The following VDAC1 variants were observed in gnomAD, a reference collection of about 807,000 sequenced individuals.
VDAC1 encodes non-selective voltage-gated ion channel VDAC1.
VDAC1 carries 10 observed loss-of-function variants against 34.7 expected under a neutral mutation model. That is an observed-to-expected ratio of 0.29 (90% CI 0.18 to 0.49). The LOEUF (loss-of-function observed/expected upper bound fraction) is 0.49. Ranked by LOEUF, VDAC1 falls within the 20% of genes least tolerant of loss-of-function variation. The probability of loss-of-function intolerance (pLI) is 0.99; values close to 1 mark genes in which losing one functional copy is unlikely to be tolerated. For synonymous variants in VDAC1, 130 were observed against 136.0 expected (o/e 0.96, Z 0.30); for missense variants, 230 against 347.9 (o/e 0.66, Z 2.69).
chr5:134,023,480 T>A, the VDAC1 span, among the ~76,000 whole-genome samples: 46 of 135,220 alleles, frequency 3.4e-4, no homozygotes, highest in South Asian at 4.7e-4. Flanking sequence ...GAACTTAAAG[T>A]AAAAAAAAAA....
the VDAC1 span, among the ~76,000 whole-genome samples, chr5:134,099,269 C>A: frequency 6.6e-6 from 1 of 152,200 alleles, no homozygotes; most frequent in Non-Finnish European, 1.5e-5. Context: ...GGGAGGGTGG[C>A]TCCGGCTTAC....
the VDAC1 span, among the ~76,000 whole-genome samples, chr5:134,051,095 A>T: frequency 6.6e-6 from 1 of 152,218 alleles, no homozygotes; most frequent in Non-Finnish European, 1.5e-5. Context: ...CCCTCCAGCT[A>T]GAGGAGGACA....
chr5:134,025,483 T>G, the VDAC1 span, among the ~76,000 whole-genome samples: 1 of 151,908 alleles, frequency 6.6e-6, no homozygotes, highest in African/African-American at 2.4e-5. Context: ...CAAATTGAGG[T>G]GAGGGCAGCA....
intron 5 of VDAC1, 46 bp from the exon 6 acceptor site, chr5:133,981,002 G>T: frequency 2.0e-6 from 3 of 1,478,758 alleles, no homozygotes; most frequent in Non-Finnish European, 2.8e-6. Flanking sequence ...AACTCACCTT[G>T]AAATGCAAGT....
intron 5 of VDAC1, among the ~76,000 whole-genome samples, chr5:133,986,098 T>C (rs749872859): frequency 6.6e-6 from 1 of 152,244 alleles, no homozygotes; most frequent in Non-Finnish European, 1.5e-5. Flanking sequence ...GATTTATTTT[T>C]AAGCTATTTC....
At chr5:134,072,597 C>T in the VDAC1 span, among the ~76,000 whole-genome samples, 1 of 152,232 alleles carries the variant, frequency 6.6e-6, no homozygotes, top group Admixed American at 6.5e-5. Flanking sequence ...TGGGCAGAAA[C>T]ACCGGACAAA....
chr5:133,975,355 G>A (rs545544079), intron 7 of VDAC1, among the ~76,000 whole-genome samples: 5 of 152,228 alleles, frequency 3.3e-5, no homozygotes, highest in Non-Finnish European at 7.4e-5. Context: ...GCTCTGCACA[G>A]TGCCTGGTAC....
At chr5:134,007,701 T>A (rs1229209297), upstream of VDAC1, among the ~76,000 whole-genome samples, 2 of 152,164 alleles carry the variant, frequency 1.3e-5, no homozygotes, top group African/African-American at 4.8e-5. Context: ...TTCAAGGCCC[T>A]TGGGGAGACC....
At chr5:134,085,932 C>T in the VDAC1 span, among the ~76,000 whole-genome samples, 4 of 151,972 alleles carry the variant, frequency 2.6e-5, no homozygotes, top group Non-Finnish European at 5.9e-5. Context: ...GTGGCTCATG[C>T]CTGTAATCCC....
chr5:133,978,265 C>T (rs1277883641), intron 6 of VDAC1, among the ~76,000 whole-genome samples: 1 of 151,890 alleles, frequency 6.6e-6, no homozygotes, highest in Admixed American at 6.6e-5. Flanking sequence ...CTCCTGGGCT[C>T]AAGTGATCAC....
At chr5:134,113,757 G>A in the VDAC1 span, among the ~76,000 whole-genome samples, 1 of 152,252 alleles carries the variant, frequency 6.6e-6, no homozygotes, top group African/African-American at 2.4e-5. Flanking sequence ...ACTTTCCCGC[G>A]CTCCGCAAAT....
chr5:133,994,596 A>C (rs1055592843), intron 1 of VDAC1, among the ~76,000 whole-genome samples: 2 of 152,226 alleles, frequency 1.3e-5, no homozygotes, highest in South Asian at 4.1e-4. Context: ...CTGTAGGTGC[A>C]TCCCCCCGGG....
At chr5:134,042,596 C>T in the VDAC1 span, among the ~76,000 whole-genome samples, 1 of 152,118 alleles carries the variant, frequency 6.6e-6, no homozygotes, top group East Asian at 1.9e-4. Context: ...CAGGTTCAAG[C>T]GATTCTCCTG....
At chr5:134,031,950 CAAA>C in the VDAC1 span, among the ~76,000 whole-genome samples, 3 of 68,772 alleles carry the variant, frequency 4.4e-5, no homozygotes, top group Admixed American at 1.7e-4. Flanking sequence ...GACCCCATCT[CAAA>C]AAAAAAAAAA....
the VDAC1 span, among the ~76,000 whole-genome samples, chr5:134,022,431 C>T: frequency 1.3e-5 from 2 of 152,164 alleles, no homozygotes; most frequent in African/African-American, 4.8e-5. Flanking sequence ...TGTGTATCAT[C>T]CCATAGTGGA....
At chr5:134,107,735 C>T in the VDAC1 span, among the ~76,000 whole-genome samples, 2 of 152,240 alleles carry the variant, frequency 1.3e-5, no homozygotes, top group Non-Finnish European at 1.5e-5. Flanking sequence ...TAAGTGACAA[C>T]AGTCACCACT....
the VDAC1 span, among the ~76,000 whole-genome samples, chr5:134,097,285 C>G: frequency 1.3e-5 from 2 of 152,162 alleles, no homozygotes; most frequent in Non-Finnish European, 2.9e-5. Context: ...AAGAAAAACT[C>G]CTCACTAAAT....
At chr5:134,014,238 C>G in the VDAC1 span, among the ~76,000 whole-genome samples, 1 of 146,970 alleles carries the variant, frequency 6.8e-6, no homozygotes, top group Non-Finnish European at 1.5e-5. Flanking sequence ...TGCAGTGAGT[C>G]GAGATCGTGC....
the VDAC1 span, among the ~76,000 whole-genome samples, chr5:134,108,515 C>T: frequency 6.6e-6 from 1 of 152,152 alleles, no homozygotes; most frequent in South Asian, 2.1e-4. Context: ...CCCCTACTAC[C>T]CCTGTTGTCC....
Sources: gnomAD v4.1 joint callset for allele counts (sites outside exome capture counted in the v4.1 genomes callset) on GRCh38, gnomAD v4.1.1 for gene constraint, MANE v1.5 for transcripts, NCBI Gene and HGNC (gene_info 2026-07-23, HGNC 2026-07-21) for gene names.